The following MED13L variants were observed in gnomAD, a reference collection of about 807,000 sequenced individuals.
The protein encoded by MED13L is mediator of RNA polymerase II transcription subunit 13-like.
Under a neutral mutation model 220.9 loss-of-function variants are expected in MED13L, and 7 were observed. The ratio of observed to expected loss-of-function variants is 0.03; its 90% CI spans 0.02 to 0.06. The LOEUF (loss-of-function observed/expected upper bound fraction) is 0.06, where lower values mean the gene tolerates loss of function less well. Ranked by LOEUF, MED13L falls within the 10% of genes least tolerant of loss-of-function variation. MED13L has a pLI of 1.00. For synonymous variants in MED13L, 1,011 were observed against 1,015.2 expected (o/e 1.00, Z 0.08); for missense variants, 1,965 against 2,760.5 (o/e 0.71, Z 6.46).
At chr12:116,147,899 T>C (rs984086003) in intron 2 of MED13L, among the ~76,000 whole-genome samples, 1 of 151,344 alleles carries the variant, frequency 6.6e-6, no homozygotes, top group Non-Finnish European at 1.5e-5. Context: ...ACAAAAAAAT[T>C]AGCCGGGCTT....
At chr12:116,167,245 G>A (rs1029081542) in intron 2 of MED13L, among the ~76,000 whole-genome samples, 2 of 152,092 alleles carry the variant, frequency 1.3e-5, no homozygotes, top group Non-Finnish European at 2.9e-5. Flanking sequence ...AGATACTAGG[G>A]TATGGAATTG....
At chr12:116,228,753 T>C (rs184386158) in intron 2 of MED13L, among the ~76,000 whole-genome samples, 196 of 152,356 alleles carry the variant, frequency 1.3e-3, no homozygotes, top group African/African-American at 4.3e-3. Context: ...AATGTTCTAA[T>C]ATATAATTCT....
intron 4 of MED13L, among the ~76,000 whole-genome samples, chr12:116,026,917 T>C (rs1323091954): frequency 6.6e-6 from 1 of 152,020 alleles, no homozygotes; most frequent in African/African-American, 2.4e-5. Context: ...CACAAAGTAA[T>C]GCCCTGCAGC....
At chr12:116,108,401 GCGC>G (rs1873785465) in intron 3 of MED13L, among the ~76,000 whole-genome samples, 7 of 100,744 alleles carry the variant, frequency 6.9e-5, no homozygotes, top group African/African-American at 1.0e-4. Context: ...GGGGGGGGGG[GCGC>G]GTGGGGGGTG....
At chr12:116,043,036 C>A (rs1211079012) in intron 4 of MED13L, among the ~76,000 whole-genome samples, 1 of 152,132 alleles carries the variant, frequency 6.6e-6, no homozygotes, top group Non-Finnish European at 1.5e-5. Flanking sequence ...TAACATTTAA[C>A]TTCTTTCTGT....
At chr12:116,052,078 T>TACACACACAC (rs79990251) in intron 4 of MED13L, among the ~76,000 whole-genome samples, 1 of 149,592 alleles carries the variant, frequency 6.7e-6, no homozygotes, top group South Asian at 2.1e-4. Flanking sequence ...CCTACACACA[T>TACACACACAC]ACACACACAC....
intron 30 of MED13L, among the ~76,000 whole-genome samples, chr12:115,963,167 G>C (rs1003411770): frequency 6.6e-6 from 1 of 152,102 alleles, no homozygotes; most frequent in Admixed American, 6.5e-5. Flanking sequence ...TGCCTGCTCT[G>C]AACAGGAAGC....
intron 2 of MED13L, among the ~76,000 whole-genome samples, chr12:116,225,837 A>C (rs1469078244): frequency 6.6e-6 from 1 of 152,144 alleles, no homozygotes; most frequent in Non-Finnish European, 1.5e-5. Flanking sequence ...TTGTGTCAGA[A>C]AGTAAGCCTT....
At chr12:116,201,258 G>C (rs563617805) in intron 2 of MED13L, among the ~76,000 whole-genome samples, 1 of 152,156 alleles carries the variant, frequency 6.6e-6, no homozygotes, top group Non-Finnish European at 1.5e-5. Context: ...TACAAGAAAA[G>C]TCTTCTACAA....
At chr12:116,240,999 G>GA in intron 1 of MED13L, among the ~76,000 whole-genome samples, 1 of 151,982 alleles carries the variant, frequency 6.6e-6, no homozygotes, top group Non-Finnish European at 1.5e-5. Flanking sequence ...TGAGGGAAGA[G>GA]AAAGAAGGTA....
At chr12:116,248,420 G>A (rs1871256127) in intron 1 of MED13L, among the ~76,000 whole-genome samples, 1 of 152,022 alleles carries the variant, frequency 6.6e-6, no homozygotes, top group African/African-American at 2.4e-5. Context: ...GGAGAAGCTG[G>A]TCAATACTAG....
chr12:115,986,307 C>T lies in MED13L; in HGVS notation c.4297G>A (p.Gly1433Arg), dbSNP rs1354206838. 1.2e-6 allele frequency: 2 copies of T among 1,614,012 alleles called. No individual in the cohort carries two copies. Among genetic ancestry groups the T allele is most frequent in the African/African-American group, 2.7e-5 (2 of 74,904 alleles). Residue 1433 changes from glycine to arginine, a missense_variant, in exon 19 of 31, where the codon GGA becomes AGA. Physicochemically the swap from Gly to Arg is moderately radical, Grantham distance 125. Coordinates refer to ENST00000281928, the MANE Select transcript of MED13L (RefSeq NM_015335.5). Reference sequence around the variant, plus strand: ...AAGTCCCTGAAGAAAGTTTTGGCTCCTTCGAGCAAGGCCTCATTTTCTGGA... The same window carrying T: ...AAGTCCCTGAAGAAAGTTTTGGCTCTTTCGAGCAAGGCCTCATTTTCTGGA... ...VCPENEALLE[G>R]AKTFFRDLSA...
intron 1 of MED13L, chr12:116,276,718 A>T (rs1253513070): frequency 3.2e-6 from 3 of 952,038 alleles, no homozygotes; most frequent in East Asian, 1.2e-4. Flanking sequence ...TACGGGGGGA[A>T]AAAAAGGGGG....
At chr12:115,980,166 T>C (rs750843727) in intron 23 of MED13L, among the ~76,000 whole-genome samples, 15 of 152,104 alleles carry the variant, frequency 9.9e-5, no homozygotes, top group Non-Finnish European at 1.8e-4. Context: ...AAAATAAATT[T>C]AGGAAATTAA....
intron 3 of MED13L, among the ~76,000 whole-genome samples, chr12:116,100,409 G>A (rs1395475946): frequency 2.6e-5 from 4 of 151,528 alleles, no homozygotes; most frequent in African/African-American, 4.9e-5. Context: ...GACCAGCCTG[G>A]CCAACATGGT....
intron 19 of MED13L, among the ~76,000 whole-genome samples, chr12:115,985,909 CAA>C (rs1487693108): frequency 1.3e-5 from 2 of 152,278 alleles, no homozygotes; most frequent in East Asian, 3.9e-4. Flanking sequence ...TAAATAAATA[CAA>C]AGAGTAGATG....
chr12:115,983,237 C>G lies in MED13L; in HGVS notation c.4835G>C (p.Gly1612Ala). 1 of 1,614,144 alleles carries G rather than the reference C, an allele frequency of 6.2e-7. No individual in the cohort carries two copies. Among genetic ancestry groups the G allele is most frequent in the Non-Finnish European group, 8.5e-7 (1 of 1,180,006 alleles). The stretch of plus-strand genomic sequence containing the variant: ...GCCCCCAGTGCTGGGGTTCTGCCCT[C>G]CAACACTACCACTGAATCCTGAAGA... ...TSSSGFSGSV[G>A]GQNPSTGGIS... The change falls in exon 21 of 31, where the codon GGA becomes GCA. Residue 1612 changes from glycine to alanine, a missense_variant. Transcript: ENST00000281928.
chr12:116,162,864 C>T (rs1294905036), intron 2 of MED13L, among the ~76,000 whole-genome samples: 2 of 152,056 alleles, frequency 1.3e-5, no homozygotes, highest in Non-Finnish European at 2.9e-5. Context: ...TTGAACTGAT[C>T]ATTGAAGTCT....
At chr12:116,128,455 A>G (rs2137990791) in intron 2 of MED13L, among the ~76,000 whole-genome samples, 1 of 152,168 alleles carries the variant, frequency 6.6e-6, no homozygotes, top group South Asian at 2.1e-4. Flanking sequence ...GAAAAAAAAA[A>G]ACAAGAAAAT....
Sources: gnomAD v4.1 joint callset for allele counts (sites outside exome capture counted in the v4.1 genomes callset) on GRCh38, gnomAD v4.1.1 for gene constraint, MANE v1.5 for transcripts, NCBI Gene and HGNC (gene_info 2026-07-23, HGNC 2026-07-21) for gene names.